PUM1: variants seen among roughly 807,000 people sequenced by gnomAD.
PUM1 encodes pumilio RNA binding family member 1.
PUM1 carries 13 observed loss-of-function variants against 131.8 expected under a neutral mutation model. That is an observed-to-expected ratio of 0.10 (90% CI 0.06 to 0.16). The LOEUF is 0.16. Among genes scored for constraint, PUM1 ranks in the 10% least tolerant of loss-of-function variants. The pLI, the probability that PUM1 is intolerant of heterozygous loss-of-function variation, is 1.00. For missense variants in PUM1, 961 were observed against 1,512.4 expected (o/e 0.64, Z 6.05); for synonymous variants, 509 against 556.5 (o/e 0.91, Z 1.20).
At chr1:30,982,952 C>T (rs1641409600) in intron 7 of PUM1, among the ~76,000 whole-genome samples, 1 of 151,806 alleles carries the variant, frequency 6.6e-6, no homozygotes, top group South Asian at 2.1e-4. Flanking sequence ...TTTTGTTTTT[C>T]CCCAAAAGTT....
chr1:31,059,367 C>A lies in PUM1; in HGVS notation c.200G>T (p.Gly67Val), dbSNP rs761956967. The A allele has an allele frequency of 3.1e-6, 5 of 1,614,146 alleles. No individual in the cohort carries two copies. Among genetic ancestry groups the A allele is most frequent in the Non-Finnish European group, 4.2e-6 (5 of 1,180,034 alleles). ...AAGTHSSPVP[G>V]SIGVAGRSQD... Reference sequence around the variant, plus strand: ...GGAACGGCCTGCAACTCCTATAGATCCTGGGACAGGGCTGGAGTGAGTCCC... The same window carrying A: ...GGAACGGCCTGCAACTCCTATAGATACTGGGACAGGGCTGGAGTGAGTCCC... The change falls in exon 2 of 22, where the codon GGA (glycine) becomes GTA (valine). Residue 67 changes from glycine to valine, a missense_variant. Physicochemically the swap from Gly to Val is moderately radical, Grantham distance 109. This residue lies in a region of PUM1 where 654 missense variants were observed against 923.9 expected (regional missense o/e 0.71). Coordinates refer to ENST00000426105, the MANE Select transcript of PUM1 (RefSeq NM_001020658.2).
chr1:31,003,775 T>C (rs1570250616), intron 5 of PUM1, among the ~76,000 whole-genome samples: 1 of 152,106 alleles, frequency 6.6e-6, no homozygotes, highest in African/African-American at 2.4e-5. Context: ...ATAACAATAA[T>C]AATCAGTTCA....
chr1:31,062,948 T>G (rs907067800), intron 1 of PUM1, among the ~76,000 whole-genome samples: 3 of 152,338 alleles, frequency 2.0e-5, no homozygotes, highest in African/African-American at 7.2e-5. Flanking sequence ...GGTTAAGAAT[T>G]CCAATCCATC....
chr1:30,942,039 T>C lies in PUM1; in HGVS notation c.3079A>G (p.Ile1027Val). Residue 1027 changes from isoleucine to valine, a missense_variant, in exon 19 of 22, where the codon ATT (isoleucine) becomes GTT (valine). This residue lies in a region of PUM1 where 178 missense variants were observed against 327.5 expected (regional missense o/e 0.54). Coordinates refer to ENST00000426105, the MANE Select transcript of PUM1 (RefSeq NM_001020658.2). ...EHCLPDQTLP[I>V]LEELHQHTEQ... ...GTGTGCTGGTGAAGCTCCTCTAAAA[T>C]AGGGAGTGTCTGGTCAGGGAGACAG... 1 of 1,596,488 alleles carries C rather than the reference T, an allele frequency of 6.3e-7. No individual in the cohort carries two copies. The highest frequency in any genetic ancestry group is 1.1e-5 in the South Asian group (1 of 90,838).
intron 3 of PUM1, among the ~76,000 whole-genome samples, chr1:31,011,984 AG>A (rs1362796572): frequency 6.6e-6 from 1 of 152,222 alleles, no homozygotes; most frequent in Non-Finnish European, 1.5e-5. Context: ...GACACATTTA[AG>A]GGCAGGGCAT....
intron 2 of PUM1, among the ~76,000 whole-genome samples, chr1:31,053,892 C>T (rs963952655): frequency 6.6e-6 from 1 of 151,946 alleles, no homozygotes; most frequent in Non-Finnish European, 1.5e-5. Context: ...GTTAGGAGTT[C>T]GAGACTAGCC....
At chr1:30,978,473 A>T (rs1444458016) in intron 9 of PUM1, among the ~76,000 whole-genome samples, 1 of 152,254 alleles carries the variant, frequency 6.6e-6, no homozygotes, top group Non-Finnish European at 1.5e-5. Flanking sequence ...AGATGACCCT[A>T]TGTTAACTAT....
Position 30,995,190 on chromosome 1 carries a change from C to T in PUM1, c.751G>A (p.Asp251Asn), listed in dbSNP as rs189857906. ...GPRDADSDEN[D>N]KGEKKNKGTF... is the part of the protein sequence containing the mutation. The stretch of plus-strand genomic sequence containing the variant: ...CCCTTGTTCTTCTTTTCACCTTTGT[C>T]GTTTTCATCACTGTCTGCATCCCTT... The change falls in exon 6 of 22, where the codon GAC (aspartate) becomes AAC (asparagine). Residue 251 changes from aspartate (D) to asparagine (N), a missense_variant. By Grantham distance (23) the Asp-to-Asn change is conservative (BLOSUM62 1). Around this residue, in one of 4 missense-constraint regions of PUM1, gnomAD observed 654 missense variants for 923.9 expected, o/e 0.71. Transcript: ENST00000426105. The T allele has an allele frequency of 8.1e-6, 13 of 1,614,118 alleles. No individual in the cohort carries two copies. In the East Asian group the frequency reaches 1.6e-4, roughly 19 times the overall value.
chr1:30,973,411 T>C (rs1360851957), intron 10 of PUM1, among the ~76,000 whole-genome samples: 2 of 152,216 alleles, frequency 1.3e-5, no homozygotes, highest in African/African-American at 2.4e-5. Context: ...TAAGTGCTGA[T>C]TTTATTTGCT....
Position 30,952,408 on chromosome 1 carries a change from C to T in PUM1, c.2592-45G>A, listed in dbSNP as rs758413174. 7 of 1,612,156 alleles carry T rather than the reference C, an allele frequency of 4.3e-6. No homozygotes were observed. In the African/African-American group the frequency reaches 6.7e-5, roughly 15 times the overall value. On this transcript the variant is annotated intron_variant, in intron 15 of 21. Transcript: ENST00000426105. ...GGGCAATCACAGCACTGAAGGAAGA[C>T]CTGGAGATACATCAGTGTACCTCGG...
chr1:30,992,232 G>A (rs996730238), intron 7 of PUM1, among the ~76,000 whole-genome samples, 158 bp downstream of exon 7: 1 of 152,112 alleles, frequency 6.6e-6, no homozygotes, highest in Admixed American at 6.5e-5. Context: ...GCTTCATGAG[G>A]GGACTCTGTA....
chr1:30,967,119 T>C (rs1024916055), intron 12 of PUM1, 48 bp downstream of exon 12: 10 of 1,603,084 alleles, frequency 6.2e-6, no homozygotes, highest in Non-Finnish European at 8.5e-6. Context: ...TCACTATCAG[T>C]CGCCACTTTT....
chr1:31,013,932 AT>A (rs1284831725), intron 3 of PUM1, among the ~76,000 whole-genome samples: 1 of 152,210 alleles, frequency 6.6e-6, no homozygotes, highest in Non-Finnish European at 1.5e-5. Flanking sequence ...ATTAAAACAT[AT>A]CTTTAAGAAA....
chr1:31,033,213 CTT>C (rs573799816), intron 2 of PUM1, among the ~76,000 whole-genome samples: 1 of 144,782 alleles, frequency 6.9e-6, no homozygotes, highest in Non-Finnish European at 1.5e-5. Flanking sequence ...CTGATTTTTC[CTT>C]TTTTTTTTTG....
At position 31,028,927 on chromosome 1, in the gene PUM1, T is replaced by C. The variant is rs1156403040; in HGVS notation, c.364-63A>G. 3 of 1,257,974 alleles carry C rather than the reference T, an allele frequency of 2.4e-6. No homozygotes were observed. The African/African-American group carries it at 4.4e-5, about 19-fold the overall frequency. 77.9% of individuals were successfully genotyped at this position (1,257,974 alleles called of 1,614,324 possible). On this transcript the variant is annotated intron_variant, in intron 2 of 21. Transcript: ENST00000426105. ...AGCATCTTGAATTTTACATACACAT[T>C]ACACACAATTGAAAATTTATTCTAT...
chr1:31,048,110 G>A (rs1644013210), intron 2 of PUM1, among the ~76,000 whole-genome samples: 1 of 149,566 alleles, frequency 6.7e-6, no homozygotes. Flanking sequence ...TTGGTGGCGG[G>A]CGCCTATAGT....
At chr1:30,997,493 G>C (rs1386780266) in intron 5 of PUM1, among the ~76,000 whole-genome samples, 2 of 130,508 alleles carry the variant, frequency 1.5e-5, no homozygotes, top group Non-Finnish European at 1.6e-5. Context: ...AGTGAAACTC[G>C]TCTTTTTTTT....
In PUM1 at chr1:30,966,091, G is replaced by A; in HGVS notation, c.1977C>T (p.Ser659=). The part of the protein sequence containing the change: ...NSLNSNSQSS[S]LFSQGSAQPA... ...GCTGGGCAGAGCCCTGGGAGAAGAG[G>A]GAGCTGCTCTGTGAATTGCTGTTCA... Residue 659 remains serine, a synonymous_variant, in exon 13 of 22, where the codon TCC becomes TCT. Transcript: ENST00000426105. 6.2e-7 allele frequency: 1 copy of A among 1,614,204 alleles called. No homozygotes were observed. The highest frequency in any genetic ancestry group is 1.1e-5 in the South Asian group (1 of 91,084).
At chr1:31,003,574 T>A (rs570538737) in intron 5 of PUM1, among the ~76,000 whole-genome samples, 2 of 152,168 alleles carry the variant, frequency 1.3e-5, no homozygotes, top group African/African-American at 2.4e-5. Context: ...CTGGCCAACA[T>A]GGGGAAACCG....
Sources: allele counts gnomAD v4.1 joint callset (sites outside exome capture counted in the v4.1 genomes callset), GRCh38; gene constraint gnomAD v4.1.1; regional missense constraint gnomAD v4.1.1; transcripts MANE v1.5; gene names NCBI Gene and HGNC (gene_info 2026-07-23, HGNC 2026-07-21).